PKD1L1: variants seen among roughly 807,000 people sequenced by gnomAD.
PKD1L1 encodes polycystin 1 like 1, transient receptor potential channel interacting.
PKD1L1 carries 236 observed loss-of-function variants against 323.4 expected under a neutral mutation model. The ratio of observed to expected loss-of-function variants is 0.73; its 90% CI spans 0.66 to 0.81. The LOEUF (loss-of-function observed/expected upper bound fraction) is 0.81, where lower values mean the gene tolerates loss of function less well. Ranked by LOEUF, PKD1L1 falls within the 40% of genes least tolerant of loss-of-function variation. PKD1L1 has a pLI of 0.00. For synonymous variants in PKD1L1, 1,344 were observed against 1,335.0 expected, an observed-to-expected ratio of 1.01 and a Z score of -0.15; for missense variants, 3,320 against 3,508.0, an observed-to-expected ratio of 0.95 and a Z score of 1.35.
intron 46 of PKD1L1, 54 bp downstream of exon 46, chr7:47,821,022 G>T: frequency 9.3e-7 from 1 of 1,077,880 alleles, no homozygotes; most frequent in African/African-American, 1.6e-5. Context: ...GTGCACACAG[G>T]CTATGGAATA....
Position 47,844,529 on chromosome 7 carries a change from T to C in PKD1L1, c.5237+466A>G, listed in dbSNP as rs149836868. 6.3e-3 allele frequency among the ~76,000 whole-genome samples: 957 copies of C among 152,308 alleles called. 8 individuals carry two copies. The highest frequency in any genetic ancestry group is 0.011 in the Admixed American group (161 of 15,296). ...TCAGAGTCTAAATATAACCATTTCA[T>C]ATAAAAGTGGCTATAAAAATAGTGT... On this transcript the variant is annotated intron_variant, in intron 33 of 56. Coordinates refer to ENST00000289672, the MANE Select transcript of PKD1L1 (RefSeq NM_138295.5).
intron 8 of PKD1L1, among the ~76,000 whole-genome samples, chr7:47,909,901 C>G (rs1404370568): frequency 6.6e-6 from 1 of 152,128 alleles, no homozygotes; most frequent in African/African-American, 2.4e-5. Context: ...TTTGGGAATA[C>G]TGTGATAAGC....
chr7:47,885,689 A>G lies in PKD1L1; in HGVS notation c.3202T>C (p.Ser1068Pro), dbSNP rs941534952. Residue 1068 changes from serine (S) to proline (P), a missense_variant, in exon 18 of 57, where the codon TCT (serine) becomes CCT (proline). Coordinates refer to ENST00000289672, the MANE Select transcript of PKD1L1 (RefSeq NM_138295.5). ...QPTHSPDPHL[S>P]DFEAYYSDIQ... is the part of the protein sequence containing the mutation. ...ATGCAGGAACAGTGGCACTTACCAG[A>G]GAGGTGAGGGTCAGGGCTGTGGGTG... 11 of 1,609,986 alleles carry G rather than the reference A, an allele frequency of 6.8e-6. No homozygotes were observed. The highest frequency in any genetic ancestry group is 9.3e-6 in the Non-Finnish European group (11 of 1,177,756).
chr7:47,855,259 C>T lies in PKD1L1; in HGVS notation c.4597G>A (p.Gly1533Arg). Residue 1533 changes from glycine (G) to arginine (R), a missense_variant, in exon 29 of 57, where the codon GGA becomes AGA. Coordinates refer to ENST00000289672, the MANE Select transcript of PKD1L1 (RefSeq NM_138295.5). ...PGSQAPGQIG[G>R]VVGLNLYTCS... ...GTATAGAGGTTGAGGCCCACAACTC[C>T]ACCAATCTTGGGGAACAAAGACCAT... The T allele has an allele frequency of 6.2e-7, 1 of 1,611,784 alleles. No individual in the cohort carries two copies. Among genetic ancestry groups the T allele is most frequent in the Non-Finnish European group, 8.5e-7 (1 of 1,178,486 alleles).
chr7:47,936,930 G>A lies in PKD1L1; in HGVS notation c.314C>T (p.Ala105Val), dbSNP rs147759458. The change falls in exon 4 of 57, where the codon GCG (alanine) becomes GTG (valine). Residue 105 changes from alanine to valine, a missense_variant. Coordinates refer to ENST00000289672, the MANE Select transcript of PKD1L1 (RefSeq NM_138295.5). ...TGTTTTTTCATTAACAACACTTAAC[G>A]CTGCTTCACTAGTTGTTTTCCAAAT... ...KNIWKTTSEA[A>V]LSVVNEKTQA... is the part of the protein sequence containing the mutation. 12 of 1,612,428 alleles carry A rather than the reference G, an allele frequency of 7.4e-6. No homozygotes were observed. Among genetic ancestry groups the A allele is most frequent in the African/African-American group, 5.3e-5 (4 of 74,778 alleles).
At chr7:47,783,739 C>T (rs976685682) in intron 56 of PKD1L1, among the ~76,000 whole-genome samples, 5 of 152,152 alleles carry the variant, frequency 3.3e-5, no homozygotes, top group Admixed American at 1.3e-4. Flanking sequence ...TCAGAGGGAG[C>T]GTGGCCCTGC....
At chr7:47,910,629 C>T (rs1235045539) in intron 8 of PKD1L1, among the ~76,000 whole-genome samples, 8 of 150,916 alleles carry the variant, frequency 5.3e-5, no homozygotes, top group East Asian at 2.0e-4. Context: ...TGAGCCAACG[C>T]GCCCGGCCAG....
At chr7:47,928,293 G>T (rs1042779119) in intron 7 of PKD1L1, among the ~76,000 whole-genome samples, 1 of 152,150 alleles carries the variant, frequency 6.6e-6, no homozygotes, top group African/African-American at 2.4e-5. Flanking sequence ...GGGGGGGAAG[G>T]TGCAGTGGCT....
At chr7:47,942,546 C>T (rs762682811) in intron 2 of PKD1L1, among the ~76,000 whole-genome samples, 6 of 151,830 alleles carry the variant, frequency 4.0e-5, no homozygotes, top group African/African-American at 7.3e-5. Flanking sequence ...AATGTGTAGC[C>T]TAAGTTGAAA....
At position 47,809,442 on chromosome 7, in the gene PKD1L1, T is replaced by A. The variant is rs761098037; in HGVS notation, c.7686+31A>T. On this transcript the variant is annotated intron_variant, in intron 51 of 56. Transcript: ENST00000289672. ...AAGATATAAACAGTTTATTGTTATT[T>A]TTCAAAAGAAAATGACACAAGAGAG... 2.1e-5 allele frequency: 31 copies of A among 1,448,124 alleles called. No individual in the cohort carries two copies. The South Asian group carries it at 3.5e-4, about 16-fold the overall frequency. 89.7% of individuals were successfully genotyped at this position (1,448,124 alleles called of 1,614,324 possible). A position where few individuals can be genotyped will look rare whatever the true frequency, so the allele number is the denominator to read the frequency against.
chr7:47,937,277 TG>T (rs1787889665), intron 3 of PKD1L1, among the ~76,000 whole-genome samples: 1 of 93,510 alleles, frequency 1.1e-5, no homozygotes, highest in African/African-American at 3.9e-5. Flanking sequence ...GGGGGCGCGG[TG>T]CTTTTTTATA....
At chr7:47,877,358 C>A in intron 22 of PKD1L1, 131 bp downstream of exon 22, 1 of 1,331,720 alleles carries the variant, frequency 7.5e-7, no homozygotes, top group Non-Finnish European at 1.0e-6. Context: ...TTCCAACATT[C>A]AACGGCAGGC....
At chr7:47,960,475 C>T in the PKD1L1 span, among the ~76,000 whole-genome samples, 1 of 139,206 alleles carries the variant, frequency 7.2e-6, no homozygotes, top group Admixed American at 7.4e-5. Context: ...ACCCCCTTAA[C>T]ACCTTTTGGA....
chr7:47,856,147 C>A (rs1785900043), intron 28 of PKD1L1, among the ~76,000 whole-genome samples: 1 of 152,002 alleles, frequency 6.6e-6, no homozygotes, highest in African/African-American at 2.4e-5. Context: ...AAGCGATTCT[C>A]CTGCCTCAGC....
chr7:47,828,234 T>A (rs1456785294), intron 44 of PKD1L1, among the ~76,000 whole-genome samples: 1 of 152,052 alleles, frequency 6.6e-6, no homozygotes, highest in Non-Finnish European at 1.5e-5. Context: ...GAGCCATGCA[T>A]AGGTTTGGAG....
In PKD1L1 at chr7:47,931,167, G is replaced by A; in HGVS notation, c.674C>T (p.Thr225Ile). 1 of 1,614,206 alleles carries A rather than the reference G, an allele frequency of 6.2e-7. No homozygotes were observed. The highest frequency in any genetic ancestry group is 8.5e-7 in the Non-Finnish European group (1 of 1,180,048). ...METPTKVARP[T>I]QTSSQRVPLW... ...GGGCACTCGCTGGGAGCTGGTCTGAGTGGGTCTGGCCACCTTGGTGGGGGT... is the reference window on the plus strand; with the variant it reads ...GGGCACTCGCTGGGAGCTGGTCTGAATGGGTCTGGCCACCTTGGTGGGGGT... The change falls in exon 6 of 57, where the codon ACT becomes ATT. Residue 225 changes from threonine to isoleucine, a missense_variant. Thr to Ile is a moderately conservative substitution (Grantham distance 89). Transcript: ENST00000289672.
chr7:47,947,322 C>T (rs1468591277), intron 1 of PKD1L1, among the ~76,000 whole-genome samples: 1 of 152,208 alleles, frequency 6.6e-6, no homozygotes, highest in Non-Finnish European at 1.5e-5. Context: ...ATTTTTATAA[C>T]GACCCTCTGG....
At chr7:47,931,805 C>A in intron 5 of PKD1L1, 131 bp downstream of exon 5, 2 of 1,239,996 alleles carry the variant, frequency 1.6e-6, no homozygotes, top group Non-Finnish European at 1.1e-6. Flanking sequence ...GTCCAAATGA[C>A]TTAGAAATGC....
intron 14 of PKD1L1, among the ~76,000 whole-genome samples, chr7:47,897,132 C>T (rs1295786083): frequency 6.6e-6 from 1 of 152,206 alleles, no homozygotes; most frequent in Non-Finnish European, 1.5e-5. Flanking sequence ...CAGCATTTGC[C>T]ATCGCTGTGA....
Sources: allele counts gnomAD v4.1 joint callset (sites outside exome capture counted in the v4.1 genomes callset), GRCh38; gene constraint gnomAD v4.1.1; transcripts MANE v1.5; gene names NCBI Gene and HGNC (gene_info 2026-07-23, HGNC 2026-07-21).